FYTTD1: variants seen among roughly 807,000 people sequenced by gnomAD.
FYTTD1 encodes the protein forty-two-three domain containing 1, also known as UAP56-interacting factor.
FYTTD1 carries 22 observed loss-of-function variants against 40.9 expected under a neutral mutation model. The ratio of observed to expected loss-of-function variants is 0.54; its 90% CI spans 0.38 to 0.77. The LOEUF (loss-of-function observed/expected upper bound fraction) is 0.77. Among genes scored for constraint, FYTTD1 ranks in the 30% least tolerant of loss-of-function variants. The pLI, the probability that FYTTD1 is intolerant of heterozygous loss-of-function variation, is 0.00. For missense variants in FYTTD1, 351 were observed against 392.2 expected, an observed-to-expected ratio of 0.90 and a Z score of 0.89; for synonymous variants, 140 against 137.9, an observed-to-expected ratio of 1.01 and a Z score of -0.10.
chr3:197,766,777 T>C (rs929495988), intron 2 of FYTTD1, among the ~76,000 whole-genome samples: 3 of 152,018 alleles, frequency 2.0e-5, no homozygotes, highest in African/African-American at 7.2e-5. Flanking sequence ...TACAAAATAG[T>C]ATGTAGAGTT....
chr3:197,754,029 C>T (rs564285877), intron 1 of FYTTD1, among the ~76,000 whole-genome samples: 11 of 152,148 alleles, frequency 7.2e-5, no homozygotes, highest in Admixed American at 2.0e-4. Context: ...CGTGAGCTAC[C>T]GCACCCGGCC....
chr3:197,776,911 T>C lies in FYTTD1; in HGVS notation c.657-16T>C. The C allele has an allele frequency of 2.0e-6, 3 of 1,496,746 alleles. No individual in the cohort carries two copies. The highest frequency in any genetic ancestry group is 2.8e-6 in the Non-Finnish European group (3 of 1,082,878). The allele number at this position is 1,496,746 out of a possible 1,614,324, so 92.7% of individuals were successfully genotyped here. A position where few individuals can be genotyped will look rare whatever the true frequency, so the allele number is the denominator to read the frequency against. ...ACTTACATTTAATGAATTTTTTTTA[T>C]TTTTTTTGAAACTAGATGGCGGACT... On this transcript the variant is annotated splice_polypyrimidine_tract_variant and intron_variant, in intron 6 of 8. Transcript: ENST00000241502.
At position 197,783,243 on chromosome 3, in the gene FYTTD1, T is replaced by A. The variant is rs920438457; in HGVS notation, c.*1334T>A. The A allele has an allele frequency of 6.6e-6, 1 of 152,646 alleles. No homozygotes were observed. The highest frequency in any genetic ancestry group is 1.5e-5 in the Non-Finnish European group (1 of 68,052). 9.5% of individuals were successfully genotyped at this position (152,646 alleles called of 1,614,324 possible). On this transcript the variant is annotated 3_prime_UTR_variant, in exon 9 of 9. Transcript: ENST00000241502. ...AATCTTCCAGCTGTACGTTACAAGT[T>A]TGGTCATTTTGAAGCTTGACATTTT...
intron 1 of FYTTD1, chr3:197,755,795 G>A: frequency 6.4e-7 from 1 of 1,551,030 alleles, no homozygotes; most frequent in Non-Finnish European, 8.7e-7. Context: ...GCCGGAAGGG[G>A]GTCATCTTTA....
intron 2 of FYTTD1, among the ~76,000 whole-genome samples, chr3:197,768,223 A>G (rs974480221): frequency 1.3e-5 from 2 of 152,216 alleles, no homozygotes; most frequent in African/African-American, 4.8e-5. Context: ...ACATGTGAGA[A>G]TCCTCTAGTT....
chr3:197,755,844 A>G (rs933825182), intron 1 of FYTTD1: 1 of 1,550,858 alleles, frequency 6.4e-7, no homozygotes, highest in Non-Finnish European at 8.7e-7. Flanking sequence ...AGTAAGTAGG[A>G]AAATGGAGGC....
In FYTTD1 at chr3:197,768,468, G is replaced by A; in HGVS notation, c.265G>A (p.Gly89Arg). 1 of 1,612,050 alleles carries A rather than the reference G, an allele frequency of 6.2e-7. No individual in the cohort carries two copies. ...GFGKTSLNRR[G>R]RVMPGKRRPN... ...TGGTAAGACTAGTCTGAATCGTAGA[G>A]GAAGAGTAATGCCTGGAAAGAGACG... The change falls in exon 3 of 9, where the codon GGA becomes AGA. Residue 89 changes from glycine (G) to arginine (R), a missense_variant. Coordinates refer to ENST00000241502, the MANE Select transcript of FYTTD1 (RefSeq NM_032288.7).
Position 197,781,941 on chromosome 3 carries a change from C to A in FYTTD1, c.*32C>A. 1.5e-6 allele frequency: 2 copies of A among 1,374,314 alleles called. No homozygotes were observed. Among genetic ancestry groups the A allele is most frequent in the Non-Finnish European group, 1.0e-6 (1 of 993,702 alleles). 85.1% of individuals were successfully genotyped at this position (1,374,314 alleles called of 1,614,324 possible). ...TGTCAAAGGAACTTTTGAGTGATGA[C>A]TCTGAGAAGTTGAATTGCTTGAAGA... On this transcript the variant is annotated 3_prime_UTR_variant, in exon 9 of 9. Coordinates refer to ENST00000241502, the MANE Select transcript of FYTTD1 (RefSeq NM_032288.7).
At position 197,785,933 on chromosome 3, in the gene FYTTD1, GCTT is replaced by G. The variant is rs1488269765; in HGVS notation, c.*4028_*4030del. The G allele has an allele frequency of 2.0e-5, 3 of 149,348 alleles. No individual in the cohort carries two copies. The highest frequency in any genetic ancestry group is 1.9e-4 in the East Asian group (1 of 5,150). 9.3% of individuals were successfully genotyped at this position (149,348 alleles called of 1,614,324 possible). A position where few individuals can be genotyped will look rare whatever the true frequency, so the allele number is the denominator to read the frequency against. The stretch of plus-strand genomic sequence containing the variant: ...TTTTGGATAGATCAATTTGGAACTA[GCTT>G]CTTTTTTTTTTTTTTAAATGATACT... On this transcript the variant is annotated 3_prime_UTR_variant, in exon 9 of 9. Transcript: ENST00000241502.
chr3:197,771,499 G>T (rs532613032), intron 4 of FYTTD1, among the ~76,000 whole-genome samples: 1 of 152,100 alleles, frequency 6.6e-6, no homozygotes, highest in Admixed American at 6.6e-5. Flanking sequence ...AAATTAGGCC[G>T]GGTGCGGTGG....
chr3:197,755,710 A>G, intron 1 of FYTTD1: 1 of 1,015,364 alleles, frequency 9.8e-7, no homozygotes, highest in South Asian at 1.6e-5. Context: ...CCAGTCCCGA[A>G]CTCCTGACCT....
chr3:197,770,293 C>T, intron 4 of FYTTD1, 49 bp downstream of exon 4: 1 of 1,128,916 alleles, frequency 8.9e-7, no homozygotes, highest in Non-Finnish European at 1.3e-6. Flanking sequence ...AAAACACTTC[C>T]TGCATTAAGT....
At position 197,750,023 on chromosome 3, in the gene FYTTD1, C is replaced by T. The variant is rs759068407; in HGVS notation, c.52C>T (p.Pro18Ser). Residue 18 changes from proline (P) to serine (S), a missense_variant, in exon 1 of 9, where the codon CCG (proline) becomes TCG (serine). Coordinates refer to ENST00000241502, the MANE Select transcript of FYTTD1 (RefSeq NM_032288.7). The part of the protein sequence containing the change: ...LVGATATSSP[P>S]PKARSNENLD... ...GGGAGCCACGGCGACTTCTTCGCCGCCGCCGAAGGCCCGCAGCAATGAAAA... is the reference window on the plus strand; with the variant it reads ...GGGAGCCACGGCGACTTCTTCGCCGTCGCCGAAGGCCCGCAGCAATGAAAA... 38 of 1,583,350 alleles carry T rather than the reference C, an allele frequency of 2.4e-5. No individual in the cohort carries two copies. The highest frequency in any genetic ancestry group is 3.2e-5 in the Non-Finnish European group (37 of 1,166,492).
At position 197,779,143 on chromosome 3, in the gene FYTTD1, G is replaced by A. The variant is rs536048192; in HGVS notation, c.858+679G>A. 3.9e-5 allele frequency among the ~76,000 whole-genome samples: 6 copies of A among 152,294 alleles called. No individual in the cohort carries two copies. The South Asian group carries it at 8.3e-4, about 21-fold the overall frequency. The stretch of plus-strand genomic sequence containing the variant: ...AAAATTGTCAAAACCAACCAGGTGC[G>A]GTGGCTCACGCCTGTAATCCCAGCA... On this transcript the variant is annotated intron_variant, in intron 8 of 8. Coordinates refer to ENST00000241502, the MANE Select transcript of FYTTD1 (RefSeq NM_032288.7).
At chr3:197,773,364 G>A in intron 4 of FYTTD1, 39 bp from the exon 5 acceptor site, 1 of 1,266,224 alleles carries the variant, frequency 7.9e-7, no homozygotes, top group South Asian at 1.3e-5. Flanking sequence ...TTTGAAAGTA[G>A]TTAAATGGCT....
intron 1 of FYTTD1, chr3:197,750,300 G>C (rs879469764): frequency 4.7e-4 from 519 of 1,099,062 alleles, no homozygotes; most frequent in Non-Finnish European, 5.9e-4. Context: ...CGCGGCAGTC[G>C]GAGGAGGGGC....
At chr3:197,756,667 T>A in intron 2 of FYTTD1, 110 bp downstream of exon 2, 1 of 1,043,028 alleles carries the variant, frequency 9.6e-7, no homozygotes, top group Non-Finnish European at 1.4e-6. Context: ...CTTTGTGTTT[T>A]GTGTTTCCTC....
In FYTTD1 at chr3:197,756,506, G is replaced by A; in HGVS notation, c.184G>A (p.Gly62Ser). The change falls in exon 2 of 9, where the codon GGT becomes AGT. Residue 62 changes from glycine to serine, a missense_variant. Coordinates refer to ENST00000241502, the MANE Select transcript of FYTTD1 (RefSeq NM_032288.7). Reference protein sequence around the residue: ...RLNRRLLQQSGAQQFRMRVRW... With the variant: ...RLNRRLLQQSSAQQFRMRVRW... ...AAATAGAAGACTCCTCCAGCAAAGT[G>A]GTGCCCAGCAATTCAGGATGAGAGT... 1 of 1,613,360 alleles carries A rather than the reference G, an allele frequency of 6.2e-7. No homozygotes were observed. Among genetic ancestry groups the A allele is most frequent in the Non-Finnish European group, 8.5e-7 (1 of 1,179,304 alleles).
intron 2 of FYTTD1, among the ~76,000 whole-genome samples, chr3:197,758,625 T>C (rs959343116): frequency 3.9e-5 from 6 of 152,238 alleles, no homozygotes; most frequent in Admixed American, 6.5e-5. Flanking sequence ...TGTTATGATC[T>C]GAGCCTTGAA....
Sources: allele counts gnomAD v4.1 joint callset (sites outside exome capture counted in the v4.1 genomes callset), GRCh38; gene constraint gnomAD v4.1.1; transcripts MANE v1.5; gene names NCBI Gene and HGNC (gene_info 2026-07-23, HGNC 2026-07-21).